NDUFAF2: variants seen among roughly 807,000 people sequenced by gnomAD.
The protein encoded by NDUFAF2 is NADH:ubiquinone oxidoreductase complex assembly factor 2.
A neutral mutation model predicts 22.8 loss-of-function variants in NDUFAF2; 13 were observed. That is an observed-to-expected ratio of 0.57 (90% CI 0.37 to 0.91). The LOEUF is 0.91. Ranked by LOEUF, NDUFAF2 falls within the 40% of genes least tolerant of loss-of-function variation. The pLI is 0.01. For synonymous variants in NDUFAF2, 53 were observed against 64.2 expected (o/e 0.83, Z 0.84); for missense variants, 162 against 195.2 (o/e 0.83, Z 1.01).
At chr5:61,134,688 A>G (rs1561136216) in intron 3 of NDUFAF2, among the ~76,000 whole-genome samples, 1 of 152,090 alleles carries the variant, frequency 6.6e-6, no homozygotes, top group Admixed American at 6.6e-5. Flanking sequence ...TCTGTCTCAA[A>G]AAACAAAAAC....
rs527879176 is a variant in NDUFAF2 at position 60,946,218 on chromosome 5, C to T, written c.127+836C>T. On this transcript the variant is annotated intron_variant, in intron 1 of 3. Coordinates refer to ENST00000296597, the MANE Select transcript of NDUFAF2 (RefSeq NM_174889.5). The stretch of plus-strand genomic sequence containing the variant: ...AAATGTCAGGTTTTGGGCGAAGAGG[C>T]GTGGGTTAGAATCTCAGCTTTGACA... Among the ~76,000 whole-genome samples the T allele has an allele frequency of 8.9e-4, 135 of 152,176 alleles. 1 individual carries two copies. Among genetic ancestry groups the T allele is most frequent in the African/African-American group, 3.2e-3 (131 of 41,514 alleles).
At position 60,945,393 on chromosome 5, in the gene NDUFAF2, G is replaced by A. The variant is rs181500190; in HGVS notation, c.127+11G>A. ...ACAAGAACTGGAGAGGTGAGGTGGC[G>A]GCGTGGGCAGCGATTGCGTGGTCAG... On this transcript the variant is annotated intron_variant, in intron 1 of 3. Transcript: ENST00000296597. The A allele has an allele frequency of 1.2e-6, 2 of 1,614,108 alleles. No individual in the cohort carries two copies. Among genetic ancestry groups the A allele is most frequent in the African/African-American group, 1.3e-5 (1 of 74,934 alleles).
chr5:61,114,759 G>A (rs763701651), intron 3 of NDUFAF2: 1 of 151,692 alleles, frequency 6.6e-6, no homozygotes, highest in African/African-American at 2.4e-5. Context: ...CATTAGTGGG[G>A]ACTCAAAGCC....
intron 1 of NDUFAF2, among the ~76,000 whole-genome samples, chr5:61,039,889 G>A (rs1034790947): frequency 1.3e-5 from 2 of 151,996 alleles, no homozygotes; most frequent in Non-Finnish European, 2.9e-5. Flanking sequence ...TAAATTTTGA[G>A]GAGCCATTAC....
intron 1 of NDUFAF2, among the ~76,000 whole-genome samples, chr5:60,986,937 C>CAAAAAAAAAA (rs200015156): frequency 1.4e-5 from 1 of 73,478 alleles, no homozygotes; most frequent in African/African-American, 4.3e-5. Context: ...TCTTTTGTCT[C>CAAAAAAAAAA]AAAAAAAAAA....
chr5:61,088,897 A>G (rs1047400016), intron 2 of NDUFAF2, among the ~76,000 whole-genome samples: 2 of 152,062 alleles, frequency 1.3e-5, no homozygotes, highest in Non-Finnish European at 2.9e-5. Flanking sequence ...TTCTAATGCA[A>G]TATCTTTTGG....
intron 1 of NDUFAF2, among the ~76,000 whole-genome samples, chr5:60,999,733 G>C (rs983493976): frequency 1.3e-5 from 2 of 151,982 alleles, no homozygotes; most frequent in African/African-American, 4.8e-5. Context: ...TTTTAAGAAA[G>C]AATAACTAGT....
chr5:61,096,203 G>A (rs757298406), intron 2 of NDUFAF2, among the ~76,000 whole-genome samples: 8 of 152,088 alleles, frequency 5.3e-5, no homozygotes, highest in African/African-American at 1.9e-4. Flanking sequence ...ATTTAAAAGA[G>A]TAAATACCCC....
intron 1 of NDUFAF2, among the ~76,000 whole-genome samples, chr5:60,958,728 T>C (rs1189587999): frequency 6.6e-6 from 1 of 151,954 alleles, no homozygotes; most frequent in African/African-American, 2.4e-5. Context: ...CAGAAAATGG[T>C]TTTTCTGTTA....
chr5:60,975,166 G>A (rs1404644226), intron 1 of NDUFAF2, among the ~76,000 whole-genome samples: 2 of 151,984 alleles, frequency 1.3e-5, no homozygotes, highest in East Asian at 3.9e-4. Flanking sequence ...GAGGGCATGA[G>A]TTTTATTTGT....
chr5:61,132,316 A>T (rs1753122218), intron 3 of NDUFAF2, among the ~76,000 whole-genome samples: 1 of 152,194 alleles, frequency 6.6e-6, no homozygotes, highest in Non-Finnish European at 1.5e-5. Context: ...AGAGGGCTTC[A>T]GCCTAGGTCT....
chr5:61,032,776 C>T (rs1242122763), intron 1 of NDUFAF2, among the ~76,000 whole-genome samples: 1 of 152,080 alleles, frequency 6.6e-6, no homozygotes, highest in Non-Finnish European at 1.5e-5. Context: ...TCAATGGTAG[C>T]TTGATGGGGA....
chr5:61,020,064 T>C (rs1751559260), intron 1 of NDUFAF2, among the ~76,000 whole-genome samples: 1 of 152,166 alleles, frequency 6.6e-6, no homozygotes, highest in Admixed American at 6.5e-5. Flanking sequence ...TTTTGGAAAA[T>C]TATACTGTTT....
intron 3 of NDUFAF2, among the ~76,000 whole-genome samples, chr5:61,104,879 C>G (rs1197349798): frequency 1.3e-5 from 2 of 152,034 alleles, no homozygotes; most frequent in Non-Finnish European, 2.9e-5. Context: ...ATTCACCTTA[C>G]AACAAGGATA....
At chr5:60,955,154 C>T (rs1750598581) in intron 1 of NDUFAF2, among the ~76,000 whole-genome samples, 2 of 152,164 alleles carry the variant, frequency 1.3e-5, no homozygotes, top group Non-Finnish European at 2.9e-5. Context: ...AAGCCAATGT[C>T]AAGAAGCTTT....
At chr5:61,002,786 C>T (rs1751313839) in intron 1 of NDUFAF2, among the ~76,000 whole-genome samples, 1 of 152,106 alleles carries the variant, frequency 6.6e-6, no homozygotes, top group African/African-American at 2.4e-5. Context: ...TCCAATTCTT[C>T]CATCCAGTTA....
At chr5:61,101,249 G>A (rs1007627000) in intron 3 of NDUFAF2, among the ~76,000 whole-genome samples, 1 of 152,088 alleles carries the variant, frequency 6.6e-6, no homozygotes, top group Non-Finnish European at 1.5e-5. Flanking sequence ...ACACAACTTT[G>A]CCATCTACTT....
intron 2 of NDUFAF2, among the ~76,000 whole-genome samples, chr5:61,082,342 C>T (rs1752453511): frequency 6.6e-6 from 1 of 152,168 alleles, no homozygotes; most frequent in Non-Finnish European, 1.5e-5. Flanking sequence ...AAGCAATCCT[C>T]CTGCCTCAGC....
At position 60,950,377 on chromosome 5, in the gene NDUFAF2, G is replaced by A. The variant is rs183007232; in HGVS notation, c.127+4995G>A. 4.0e-5 allele frequency among the ~76,000 whole-genome samples: 6 copies of A among 151,842 alleles called. No homozygotes were observed. The East Asian group carries it at 1.2e-3, about 30-fold the overall frequency. On this transcript the variant is annotated intron_variant, in intron 1 of 3. Coordinates refer to ENST00000296597, the MANE Select transcript of NDUFAF2 (RefSeq NM_174889.5). Reference sequence around the variant, plus strand: ...AATTTTTTATTTTTAGGAGAGATGGGGTTCGCCATGTTGGACAGGCTGGTC... The same window carrying A: ...AATTTTTTATTTTTAGGAGAGATGGAGTTCGCCATGTTGGACAGGCTGGTC...
Sources: allele counts gnomAD v4.1 joint callset (sites outside exome capture counted in the v4.1 genomes callset), GRCh38; gene constraint gnomAD v4.1.1; transcripts MANE v1.5; gene names NCBI Gene and HGNC (gene_info 2026-07-23, HGNC 2026-07-21).